The following MED13L variants were observed in gnomAD, a reference collection of about 807,000 sequenced individuals.
The protein encoded by MED13L is mediator of RNA polymerase II transcription subunit 13-like.
Under a neutral mutation model 220.9 loss-of-function variants are expected in MED13L, and 7 were observed. The observed-to-expected ratio is 0.03, with a 90% CI of 0.02 to 0.06. The LOEUF is 0.06. Among genes scored for constraint, MED13L ranks in the 10% least tolerant of loss-of-function variants. The pLI, the probability that MED13L is intolerant of heterozygous loss-of-function variation, is 1.00. For synonymous variants in MED13L, 1,011 were observed against 1,015.2 expected (o/e 1.00, Z 0.08); for missense variants, 1,965 against 2,760.5 (o/e 0.71, Z 6.46).
intron 2 of MED13L, among the ~76,000 whole-genome samples, chr12:116,128,312 T>C (rs1363579059): frequency 6.6e-6 from 1 of 152,184 alleles, no homozygotes; most frequent in Non-Finnish European, 1.5e-5. Flanking sequence ...TAAGGATTTT[T>C]ATACTACGCA....
At chr12:116,203,194 G>C (rs920450131) in intron 2 of MED13L, among the ~76,000 whole-genome samples, 3 of 152,136 alleles carry the variant, frequency 2.0e-5, no homozygotes, top group Non-Finnish European at 2.9e-5. Context: ...CTTCAGGCAG[G>C]AATGTTAACA....
intron 2 of MED13L, among the ~76,000 whole-genome samples, chr12:116,155,038 G>A (rs780890536): frequency 6.6e-6 from 1 of 152,114 alleles, no homozygotes; most frequent in Non-Finnish European, 1.5e-5. Flanking sequence ...TGTTGGCCAG[G>A]CTGGTCTCAA....
At chr12:116,007,387 G>A (rs1447466355) in intron 11 of MED13L, 24 bp downstream of exon 11, 1 of 1,581,926 alleles carries the variant, frequency 6.3e-7, no homozygotes, top group Non-Finnish European at 8.7e-7. Context: ...CACCATGCTG[G>A]ACTCTCTCTC....
intron 4 of MED13L, among the ~76,000 whole-genome samples, chr12:116,045,242 G>A (rs1167654148): frequency 6.6e-6 from 1 of 152,130 alleles, no homozygotes; most frequent in Non-Finnish European, 1.5e-5. Flanking sequence ...GAACACTGGT[G>A]TTCCTTTCCT....
At chr12:116,213,719 C>CT (rs1882842326) in intron 2 of MED13L, among the ~76,000 whole-genome samples, 1 of 152,126 alleles carries the variant, frequency 6.6e-6, no homozygotes, top group Non-Finnish European at 1.5e-5. Flanking sequence ...AGCAAAAGGT[C>CT]TTTTTTATTT....
intron 2 of MED13L, among the ~76,000 whole-genome samples, chr12:116,231,239 A>G (rs1869527559): frequency 6.6e-6 from 1 of 152,198 alleles, no homozygotes; most frequent in South Asian, 2.1e-4. Context: ...AAAGGAAAGG[A>G]TATCTTTACA....
At chr12:116,071,532 T>C (rs146627925) in intron 4 of MED13L, among the ~76,000 whole-genome samples, 1 of 152,350 alleles carries the variant, frequency 6.6e-6, no homozygotes, top group African/African-American at 2.4e-5. Flanking sequence ...ATTCAAGTGA[T>C]TCTCCTGCCT....
intron 8 of MED13L, among the ~76,000 whole-genome samples, chr12:116,013,501 C>G (rs975029121): frequency 6.6e-6 from 1 of 152,130 alleles, no homozygotes; most frequent in Non-Finnish European, 1.5e-5. Flanking sequence ...ACTTAAGTCC[C>G]ATCCCCAAGA....
chr12:116,044,339 G>A (rs1447176567), intron 4 of MED13L, among the ~76,000 whole-genome samples: 1 of 152,198 alleles, frequency 6.6e-6, no homozygotes, highest in Admixed American at 6.5e-5. Flanking sequence ...GGCATAACCC[G>A]AATGTATTGC....
At chr12:116,270,351 C>T (rs1187573955) in intron 1 of MED13L, among the ~76,000 whole-genome samples, 2 of 152,006 alleles carry the variant, frequency 1.3e-5, no homozygotes, top group African/African-American at 4.8e-5. Context: ...ACCATGTTGG[C>T]CAGGATGGTC....
chr12:116,226,958 GTTTT>G (rs768438065), intron 2 of MED13L, among the ~76,000 whole-genome samples: 1 of 144,278 alleles, frequency 6.9e-6, no homozygotes, highest in Non-Finnish European at 1.5e-5. Context: ...TACCATTAAG[GTTTT>G]TTTTTTTTAA....
At chr12:116,014,901 TTCC>T (rs1049697094) in intron 8 of MED13L, among the ~76,000 whole-genome samples, 1 of 152,152 alleles carries the variant, frequency 6.6e-6, no homozygotes, top group Non-Finnish European at 1.5e-5. Context: ...CTTCAAAAAG[TTCC>T]TCGATAATGA....
At chr12:116,164,593 A>G (rs1879115847) in intron 2 of MED13L, among the ~76,000 whole-genome samples, 3 of 152,196 alleles carry the variant, frequency 2.0e-5, no homozygotes, top group Admixed American at 6.5e-5. Flanking sequence ...ACACTTGGTC[A>G]CAGTTGCCAA....
intron 3 of MED13L, among the ~76,000 whole-genome samples, chr12:116,108,597 G>C (rs373457038): frequency 4.6e-5 from 7 of 152,184 alleles, no homozygotes; most frequent in Admixed American, 1.3e-4. Context: ...AGTTTGATAA[G>C]AGAAAATTAT....
At chr12:116,191,856 A>G (rs1402031154) in intron 2 of MED13L, among the ~76,000 whole-genome samples, 5 of 152,094 alleles carry the variant, frequency 3.3e-5, no homozygotes, top group African/African-American at 1.2e-4. Flanking sequence ...CATTTAATTA[A>G]AAAGTACTAT....
At chr12:116,031,308 A>G (rs1230383666) in intron 4 of MED13L, among the ~76,000 whole-genome samples, 2 of 152,054 alleles carry the variant, frequency 1.3e-5, no homozygotes, top group African/African-American at 4.8e-5. Context: ...GGCCGGGTGC[A>G]GTGGCTCATG....
intron 2 of MED13L, among the ~76,000 whole-genome samples, chr12:116,119,618 G>C (rs774615354): frequency 1.3e-5 from 2 of 151,274 alleles, no homozygotes; most frequent in Admixed American, 6.6e-5. Flanking sequence ...CAAGTGGTAG[G>C]ATTGCAAGGC....
At position 116,247,199 on chromosome 12, in the gene MED13L, T is replaced by G. The variant is rs80030843; in HGVS notation, c.73-9494A>C. ...TATAAACCTTGTAGACCTATCTGAT[T>G]CTTTAATTGAATTCTGTAAGAGTAT... On this transcript the variant is annotated intron_variant, in intron 1 of 30. Coordinates refer to ENST00000281928, the MANE Select transcript of MED13L (RefSeq NM_015335.5). Among the ~76,000 whole-genome samples the G allele has an allele frequency of 1.4e-3, 220 of 152,130 alleles. 3 individuals are homozygous for G. The East Asian group carries it at 0.039, about 27-fold the overall frequency.
chr12:115,966,687 C>T (rs1392323796), intron 28 of MED13L, among the ~76,000 whole-genome samples: 1 of 152,162 alleles, frequency 6.6e-6, no homozygotes, highest in East Asian at 1.9e-4. Context: ...TCCTGAGCTG[C>T]CAGTAGTGCA....
Sources: allele counts gnomAD v4.1 joint callset (sites outside exome capture counted in the v4.1 genomes callset), GRCh38; gene constraint gnomAD v4.1.1; transcripts MANE v1.5; gene names NCBI Gene and HGNC (gene_info 2026-07-23, HGNC 2026-07-21).